Variants in CWH43 observed in about 807,000 individuals in gnomAD.
CWH43 encodes the protein cell wall biogenesis 43 C-terminal homolog.
A neutral mutation model predicts 85.7 loss-of-function variants in CWH43; 91 were observed. The ratio of observed to expected loss-of-function variants is 1.06; its 90% confidence interval spans 0.90 to 1.26. The LOEUF is 1.26. Among genes scored for constraint, CWH43 ranks in the 50% most tolerant of loss-of-function variants. The pLI is 0.00. For missense variants in CWH43, 869 were observed against 839.2 expected, an observed-to-expected ratio of 1.04 and a Z score of -0.44; for synonymous variants, 323 against 293.6, an observed-to-expected ratio of 1.10 and a Z score of -1.02.
At chr4:49,037,654 C>T (rs1485195286) in intron 12 of CWH43, among the ~76,000 whole-genome samples, 1 of 151,978 alleles carries the variant, frequency 6.6e-6, no homozygotes, top group Non-Finnish European at 1.5e-5. Flanking sequence ...CTTCATCTTA[C>T]CAGTATTCCT....
chr4:48,990,266 T>C (rs2109739534), intron 2 of CWH43, among the ~76,000 whole-genome samples: 1 of 152,348 alleles, frequency 6.6e-6, no homozygotes. Flanking sequence ...AGTAGATTTA[T>C]ATTTGGAAAT....
chr4:49,054,979 C>T (rs1288300480), intron 15 of CWH43, among the ~76,000 whole-genome samples: 2 of 151,532 alleles, frequency 1.3e-5, no homozygotes, highest in South Asian at 4.2e-4. Flanking sequence ...TTTTCCTTTC[C>T]AATTTAGATG....
At chr4:49,059,382 A>T (rs963111823) in intron 15 of CWH43, among the ~76,000 whole-genome samples, 1 of 151,734 alleles carries the variant, frequency 6.6e-6, no homozygotes, top group East Asian at 1.9e-4. Flanking sequence ...TTAGTTGTCC[A>T]TCTGTGTTCT....
At chr4:49,049,144 C>G (rs1784718449) in intron 14 of CWH43, among the ~76,000 whole-genome samples, 2 of 152,132 alleles carry the variant, frequency 1.3e-5, no homozygotes, top group Admixed American at 1.3e-4. Context: ...AGACAGTGAC[C>G]TAGAATTACA....
rs753694972 is a variant in CWH43, at chr4:48,991,493, G to A, written c.275G>A (p.Arg92Gln). 10 of 1,613,908 alleles carry A rather than the reference G, an allele frequency of 6.2e-6. No homozygotes were observed. The highest frequency in any genetic ancestry group is 2.2e-5 in the South Asian group (2 of 91,052). The change falls in exon 3 of 16, where the codon CGA becomes CAA. Residue 92 changes from arginine to glutamine, a missense_variant. Coordinates refer to ENST00000226432, the MANE Select transcript of CWH43 (RefSeq NM_025087.3). ...TTCCAGGCTCCAAATGCCAAACTTC[G>A]ACTGATGGTTCTTGCGCTTGGGGTG... ...ASFQAPNAKL[R>Q]LMVLALGVSS...
chr4:49,061,462 C>A (rs2768948), intron 15 of CWH43, among the ~76,000 whole-genome samples: 15 of 151,966 alleles, frequency 9.9e-5, no homozygotes, highest in Non-Finnish European at 2.1e-4. Context: ...GAAGTTCTGC[C>A]AAAATAGATT....
intron 8 of CWH43, among the ~76,000 whole-genome samples, chr4:49,014,317 G>T (rs941659510): frequency 6.6e-6 from 1 of 152,018 alleles, no homozygotes; most frequent in Non-Finnish European, 1.5e-5. Flanking sequence ...GCCATTTGTG[G>T]TGGTGCACCT....
chr4:49,045,631 A>G (rs73246068), intron 14 of CWH43, among the ~76,000 whole-genome samples: 1 of 152,208 alleles, frequency 6.6e-6, no homozygotes, highest in South Asian at 2.1e-4. Context: ...TTAGGTGTGT[A>G]GTAGGCTATA....
chr4:49,039,520 G>GTCT (rs1314950396), intron 13 of CWH43, among the ~76,000 whole-genome samples: 6 of 148,152 alleles, frequency 4.0e-5, no homozygotes, highest in Admixed American at 1.4e-4. Context: ...CTATGCAGAT[G>GTCT]TCTTGGTCCC....
rs762978917 is a variant in CWH43, at chr4:48,994,636, C to A, written c.529C>A (p.Pro177Thr). 5.6e-6 allele frequency: 9 copies of A among 1,612,826 alleles called. No homozygotes were observed. The highest frequency in any genetic ancestry group is 7.6e-6 in the Non-Finnish European group (9 of 1,179,710). The change falls in exon 5 of 16, where the codon CCT becomes ACT. Residue 177 changes from proline (P) to threonine (T), a missense_variant. By Grantham distance (38) the Pro-to-Thr change is conservative. Coordinates refer to ENST00000226432, the MANE Select transcript of CWH43 (RefSeq NM_025087.3). ...RIGTDGDCSKPEEKKTGEVAT... is the reference protein window; with the variant it reads ...RIGTDGDCSKTEEKKTGEVAT... ...AATTCTAGATGGTGACTGCAGTAAA[C>A]CTGAAGAAAAGAAGACTGGTGAGGT...
chr4:49,052,515 C>A (rs1298241517), intron 15 of CWH43, among the ~76,000 whole-genome samples: 1 of 152,108 alleles, frequency 6.6e-6, no homozygotes, highest in Admixed American at 6.6e-5. Context: ...TAGAAGGATT[C>A]CCTCCTTTTG....
chr4:49,054,275 A>C (rs1277836588), intron 15 of CWH43, among the ~76,000 whole-genome samples: 1 of 152,104 alleles, frequency 6.6e-6, no homozygotes, highest in Non-Finnish European at 1.5e-5. Context: ...TCCTTTCCCC[A>C]TTGTGTGTTT....
intron 8 of CWH43, among the ~76,000 whole-genome samples, chr4:49,009,801 C>A (rs1783293742): frequency 6.6e-6 from 1 of 151,828 alleles, no homozygotes; most frequent in African/African-American, 2.4e-5. Context: ...TATGTTGAAC[C>A]CACCTTGCAT....
intron 9 of CWH43, among the ~76,000 whole-genome samples, chr4:49,025,720 G>C (rs1228257339): frequency 1.3e-5 from 2 of 152,164 alleles, no homozygotes; most frequent in Non-Finnish European, 1.5e-5. Flanking sequence ...CAAATCTCTT[G>C]GCCATGGATA....
intron 9 of CWH43, among the ~76,000 whole-genome samples, chr4:49,027,163 A>T (rs1783941807): frequency 6.6e-6 from 1 of 152,234 alleles, no homozygotes; most frequent in African/African-American, 2.4e-5. Context: ...CAGCTGTCTC[A>T]TAGAGAGATG....
chr4:49,041,703 G>T (rs1181736127), intron 13 of CWH43, among the ~76,000 whole-genome samples: 2 of 152,118 alleles, frequency 1.3e-5, no homozygotes, highest in African/African-American at 4.8e-5. Flanking sequence ...GTGGTGTTTG[G>T]AATCTGTGTT....
Position 49,032,590 on chromosome 4 carries a change from A to G in CWH43, c.1533A>G (p.Pro511=). Residue 511 remains proline (P), a synonymous_variant, in exon 12 of 16, where the codon CCA becomes CCG. Coordinates refer to ENST00000226432, the MANE Select transcript of CWH43 (RefSeq NM_025087.3). ...TWGIMALSRY[P]IVKSEHHLLP... ...GGATTATGGCTTTGTCAAGATACCCAATTGTGAAATCTGAGCATCACCTTC... is the reference window on the plus strand; with the variant it reads ...GGATTATGGCTTTGTCAAGATACCCGATTGTGAAATCTGAGCATCACCTTC... 3 of 1,614,024 alleles carry G rather than the reference A, an allele frequency of 1.9e-6. No individual in the cohort carries two copies. Among genetic ancestry groups the G allele is most frequent in the Non-Finnish European group, 2.5e-6 (3 of 1,179,940 alleles).
At chr4:48,986,551 T>C in intron 1 of CWH43, 79 bp downstream of exon 1, 1 of 1,541,528 alleles carries the variant, frequency 6.5e-7, no homozygotes, top group Non-Finnish European at 8.8e-7. Flanking sequence ...CCAGGCCAGG[T>C]TGGCTGAGTT....
chr4:49,044,697 T>C (rs1784567075), intron 13 of CWH43, 89 bp from the exon 14 acceptor site: 5 of 954,796 alleles, frequency 5.2e-6, no homozygotes, highest in Non-Finnish European at 6.6e-6. Flanking sequence ...CAAAGAGATA[T>C]TTATCATGTA....
Sources: gnomAD v4.1 joint callset for allele counts (sites outside exome capture counted in the v4.1 genomes callset) on GRCh38, gnomAD v4.1.1 for gene constraint, MANE v1.5 for transcripts, NCBI Gene and HGNC (gene_info 2026-07-23, HGNC 2026-07-21) for gene names.